IL1RAPL1: variants seen among roughly 807,000 people sequenced by gnomAD.
IL1RAPL1 encodes the protein interleukin 1 receptor accessory protein like 1.
A neutral mutation model predicts 48.4 loss-of-function variants in IL1RAPL1; 3 were observed. The ratio of observed to expected loss-of-function variants is 0.06; its 90% confidence interval spans 0.03 to 0.16. IL1RAPL1 has a LOEUF of 0.16. IL1RAPL1 is among the 10% of genes least tolerant of loss of function. IL1RAPL1 has a pLI of 1.00. For synonymous variants in IL1RAPL1, 185 were observed against 187.7 expected, an observed-to-expected ratio of 0.99 and a Z score of 0.12; for missense variants, 349 against 530.6, an observed-to-expected ratio of 0.66 and a Z score of 3.36.
intron 2 of IL1RAPL1, among the ~76,000 whole-genome samples, chrX:29,164,984 A>G (rs1053369199): frequency 8.9e-6 from 1 of 111,975 alleles, no homozygotes; most frequent in Non-Finnish European, 1.9e-5. Context: ...CACAGCGTCT[A>G]ACTTGTGCTT....
intron 5 of IL1RAPL1, among the ~76,000 whole-genome samples, chrX:29,440,071 C>T (rs1227838620): frequency 9.4e-6 from 1 of 106,294 alleles, no homozygotes; most frequent in African/African-American, 3.4e-5. Context: ...TGGAAATATT[C>T]GAAAGACTTT....
chrX:29,873,472 A>G (rs1260807649), intron 6 of IL1RAPL1, among the ~76,000 whole-genome samples: 1 of 108,742 alleles, frequency 9.2e-6, no homozygotes, highest in Non-Finnish European at 1.9e-5. Context: ...GCCCTCATGA[A>G]TGGGATTGAT....
At chrX:29,321,187 G>T (rs1932801353) in intron 3 of IL1RAPL1, among the ~76,000 whole-genome samples, 1 of 112,046 alleles carries the variant, frequency 8.9e-6, no homozygotes, top group African/African-American at 3.2e-5. Flanking sequence ...GTGGTGATCT[G>T]TGTTCCTTTA....
At chrX:29,037,613 A>C (rs1278584455) in intron 2 of IL1RAPL1, among the ~76,000 whole-genome samples, 1 of 112,003 alleles carries the variant, frequency 8.9e-6, no homozygotes, top group East Asian at 2.8e-4. Flanking sequence ...AAAATGAAGG[A>C]TAATGACTCA....
At chrX:28,719,497 A>T (rs1935543511) in intron 1 of IL1RAPL1, among the ~76,000 whole-genome samples, 1 of 110,924 alleles carries the variant, frequency 9.0e-6, no homozygotes, top group South Asian at 3.8e-4. Flanking sequence ...ACTAAAAATA[A>T]AAACAGTAGT....
At chrX:28,719,113 A>G (rs976875927) in intron 1 of IL1RAPL1, among the ~76,000 whole-genome samples, 11 of 111,175 alleles carry the variant, frequency 9.9e-5, no homozygotes, top group Admixed American at 9.7e-4. Flanking sequence ...ATATATATGC[A>G]TCGGAATTTA....
intron 2 of IL1RAPL1, among the ~76,000 whole-genome samples, chrX:28,951,991 G>A (rs1924480803): frequency 9.0e-6 from 1 of 110,542 alleles, no homozygotes; most frequent in Non-Finnish European, 1.9e-5. Flanking sequence ...TAAGACTGCA[G>A]TCCTCATATA....
At chrX:28,655,361 T>C (rs1332455352) in intron 1 of IL1RAPL1, among the ~76,000 whole-genome samples, 1 of 111,737 alleles carries the variant, frequency 8.9e-6, no homozygotes, top group African/African-American at 3.3e-5. Context: ...CCATTTCTTT[T>C]TTCTTCTTTC....
chrX:29,517,096 G>A (rs975926894), intron 5 of IL1RAPL1, among the ~76,000 whole-genome samples: 4 of 110,773 alleles, frequency 3.6e-5, no homozygotes, highest in African/African-American at 6.5e-5. Context: ...ATGATCAAAC[G>A]AAGCCCTTAA....
chrX:29,249,897 C>T (rs1041168860), intron 2 of IL1RAPL1, among the ~76,000 whole-genome samples: 10 of 111,107 alleles, frequency 9.0e-5, no homozygotes, highest in African/African-American at 2.9e-4. Flanking sequence ...AAAGGAAAGG[C>T]GTGAGAAAGA....
At chrX:29,857,413 C>T (rs977582436) in intron 6 of IL1RAPL1, among the ~76,000 whole-genome samples, 1 of 111,942 alleles carries the variant, frequency 8.9e-6, no homozygotes, top group Non-Finnish European at 1.9e-5. Context: ...AACCAAATTT[C>T]TATGTCTATG....
chrX:29,947,511 T>C (rs1032904666), intron 9 of IL1RAPL1, among the ~76,000 whole-genome samples: 1 of 111,169 alleles, frequency 9.0e-6, no homozygotes, highest in African/African-American at 3.3e-5. Flanking sequence ...ACAAAATTAG[T>C]TAGAGCAATT....
At chrX:29,803,214 T>TACGTATAC in intron 6 of IL1RAPL1, among the ~76,000 whole-genome samples, 1 of 30,199 alleles carries the variant, frequency 3.3e-5, no homozygotes, top group Admixed American at 2.9e-4. Context: ...CACATGTATA[T>TACGTATAC]ATGTATACAT....
intron 1 of IL1RAPL1, among the ~76,000 whole-genome samples, chrX:28,758,995 G>A (rs1158181039): frequency 8.9e-6 from 1 of 112,229 alleles, no homozygotes; most frequent in African/African-American, 3.2e-5. Flanking sequence ...CCAGCACTTT[G>A]GGAGGCCGAG....
chrX:29,774,676 G>A (rs950409222), intron 6 of IL1RAPL1, among the ~76,000 whole-genome samples: 4 of 111,247 alleles, frequency 3.6e-5, no homozygotes, highest in Non-Finnish European at 5.7e-5. Context: ...CATTCCCATC[G>A]AAATAGCGTA....
chrX:28,948,321 A>G (rs1924361018), intron 2 of IL1RAPL1, among the ~76,000 whole-genome samples: 1 of 111,534 alleles, frequency 9.0e-6, no homozygotes. Context: ...CACTGGTTTC[A>G]TTCTGCCTTT....
chrX:29,393,148 T>C (rs951306271), intron 3 of IL1RAPL1, among the ~76,000 whole-genome samples: 3 of 89,152 alleles, frequency 3.4e-5, no homozygotes, highest in East Asian at 3.0e-4. Context: ...TTTTTTGAGA[T>C]GGAGTCTCGC....
chrX:29,730,659 A>G (rs1465679239), intron 6 of IL1RAPL1, among the ~76,000 whole-genome samples: 1 of 112,294 alleles, frequency 8.9e-6, no homozygotes, highest in Non-Finnish European at 1.9e-5. Context: ...GGGCCAAGAA[A>G]GTAGTTAGGC....
intron 5 of IL1RAPL1, among the ~76,000 whole-genome samples, chrX:29,483,470 T>TA (rs1935061859): frequency 9.0e-6 from 1 of 111,620 alleles, no homozygotes; most frequent in African/African-American, 3.3e-5. Context: ...TCTGCGATGC[T>TA]ATTTTCTAGG....
Sources: allele counts gnomAD v4.1 joint callset (sites outside exome capture counted in the v4.1 genomes callset), GRCh38; gene constraint gnomAD v4.1.1; transcripts MANE v1.5; gene names NCBI Gene and HGNC (gene_info 2026-07-23, HGNC 2026-07-21).